Variants in ZFP62 observed in about 807,000 individuals in gnomAD.
ZFP62 encodes the protein zinc finger protein 62 homolog.
A neutral mutation model predicts 56.4 loss-of-function variants in ZFP62; 44 were observed. The observed-to-expected ratio is 0.78, with a 90% CI of 0.61 to 1.00. The LOEUF is 1.00. Ranked by LOEUF, ZFP62 falls within the 50% of genes least tolerant of loss-of-function variation. The pLI is 0.00. For synonymous variants in ZFP62, 421 were observed against 388.9 expected (o/e 1.08, Z -0.97); for missense variants, 1,030 against 1,085.7 (o/e 0.95, Z 0.72).
chr5:180,827,288 G>C, the ZFP62 span, among the ~76,000 whole-genome samples: 22 of 152,206 alleles, frequency 1.4e-4, no homozygotes, highest in Non-Finnish European at 1.5e-4. Flanking sequence ...AAGAAAGAGA[G>C]ATCAGATTGT....
At position 180,850,860 on chromosome 5, in the gene ZFP62, A is replaced by G; in HGVS notation, c.635T>C (p.Leu212Pro). ...AGAATGGGTGCTTTTGTGGTTTATA[A>G]GGCTGGAGTAGGACATGTAGGCTTT... ...CGKAYMSYSS[L>P]INHKSTHSGE... Residue 212 changes from leucine to proline, a missense_variant, in exon 2 of 2, where the codon CTT (leucine) becomes CCT (proline). By Grantham distance (98) the Leu-to-Pro change is moderately conservative (BLOSUM62 -3). Coordinates refer to ENST00000502412, the MANE Select transcript of ZFP62 (RefSeq NM_001172638.2). The G allele has an allele frequency of 6.4e-7, 1 of 1,562,802 alleles. No individual in the cohort carries two copies. Among genetic ancestry groups the G allele is most frequent in the Non-Finnish European group, 8.7e-7 (1 of 1,153,698 alleles).
rs1424335957 is a variant in ZFP62, at chr5:180,851,271, G to A, written c.224C>T (p.Ala75Val). The change falls in exon 2 of 2, where the codon GCC becomes GTC. Residue 75 changes from alanine to valine, a missense_variant. Transcript: ENST00000502412. Reference sequence around the variant, plus strand: ...TGTCTTTATATTTGCTGTACTCTTGGCTTTGCTGATTGCTTCCCTGATGCT... The same window carrying A: ...TGTCTTTATATTTGCTGTACTCTTGACTTTGCTGATTGCTTCCCTGATGCT... ...KSSIREAISK[A>V]KSTANIKTEQ... 6.4e-7 allele frequency: 1 copy of A among 1,551,440 alleles called. No homozygotes were observed. The highest frequency in any genetic ancestry group is 1.4e-5 in the African/African-American group (1 of 72,962).
chr5:180,836,530 C>A, the ZFP62 span, among the ~76,000 whole-genome samples: 1 of 152,208 alleles, frequency 6.6e-6, no homozygotes, highest in Non-Finnish European at 1.5e-5. Flanking sequence ...TCCAGTGTGA[C>A]CTCATCTTAA....
At position 180,848,509 on chromosome 5, in the gene ZFP62, G is replaced by C. The variant is rs1258876722; in HGVS notation, c.*283C>G. 2 of 1,139,264 alleles carry C rather than the reference G, an allele frequency of 1.8e-6. No homozygotes were observed. Among genetic ancestry groups the C allele is most frequent in the Non-Finnish European group, 1.1e-6 (1 of 927,888 alleles). 70.6% of individuals were successfully genotyped at this position (1,139,264 alleles called of 1,614,324 possible). A position where few individuals can be genotyped will look rare whatever the true frequency, so the allele number is the denominator to read the frequency against. On this transcript the variant is annotated 3_prime_UTR_variant, in exon 2 of 2. Coordinates refer to ENST00000502412, the MANE Select transcript of ZFP62 (RefSeq NM_001172638.2). The stretch of plus-strand genomic sequence containing the variant: ...TTTCCTCATCTGTGTTTTATGTCCA[G>C]AAATGTCTACTGATTTTGAAGATTT...
At chr5:180,835,674 T>C in the ZFP62 span, 1 of 152,250 alleles carries the variant, frequency 6.6e-6, no homozygotes, top group African/African-American at 2.4e-5. Context: ...TTACTATTTG[T>C]ACTTGAAGAA....
downstream of ZFP62, among the ~76,000 whole-genome samples, chr5:180,846,780 C>T (rs1353357712): frequency 6.6e-6 from 1 of 152,182 alleles, no homozygotes; most frequent in Non-Finnish European, 1.5e-5. Flanking sequence ...CCAGAATCTA[C>T]TCCTGCTGCC....
chr5:180,827,135 C>A, the ZFP62 span, among the ~76,000 whole-genome samples: 1 of 152,306 alleles, frequency 6.6e-6, no homozygotes. Context: ...ACAAGACAAG[C>A]CTCTGTTTCT....
At chr5:180,832,823 T>G in the ZFP62 span, 1 of 152,258 alleles carries the variant, frequency 6.6e-6, no homozygotes, top group Non-Finnish European at 1.5e-5. Context: ...TCAGAAACTC[T>G]GGGGCCCAGC....
the ZFP62 span, among the ~76,000 whole-genome samples, chr5:180,829,228 G>A: frequency 1.4e-5 from 2 of 142,022 alleles, no homozygotes; most frequent in Non-Finnish European, 1.5e-5. Flanking sequence ...AGAGGCATGT[G>A]ATCTTTGTTC....
intron 1 of ZFP62, among the ~76,000 whole-genome samples, chr5:180,858,500 T>A (rs1774127688): frequency 6.6e-6 from 1 of 151,806 alleles, no homozygotes; most frequent in Non-Finnish European, 1.5e-5. Context: ...CTACTCGACT[T>A]GGGAGGCTGA....
the ZFP62 span, among the ~76,000 whole-genome samples, chr5:180,838,858 G>A: frequency 6.6e-6 from 1 of 152,170 alleles, no homozygotes; most frequent in Non-Finnish European, 1.5e-5. Flanking sequence ...TTTTTGGAGA[G>A]CAATTTTCCA....
chr5:180,850,198 T>C lies in ZFP62; in HGVS notation c.1297A>G (p.Asn433Asp). Residue 433 changes from asparagine to aspartate, a missense_variant, in exon 2 of 2, where the codon AAC becomes GAC. By Grantham distance (23) the Asn-to-Asp change is conservative. Coordinates refer to ENST00000502412, the MANE Select transcript of ZFP62 (RefSeq NM_001172638.2). ...CKECGKSFSYNSLLLQHRTIH... is the reference protein window; with the variant it reads ...CKECGKSFSYDSLLLQHRTIH... The stretch of plus-strand genomic sequence containing the variant: ...GTTCTGTGTTGAAGAAGTAGTGAGT[T>C]ATAACTAAAGGATTTCCCACACTCC... The C allele has an allele frequency of 6.4e-7, 1 of 1,552,190 alleles. No homozygotes were observed. Among genetic ancestry groups the C allele is most frequent in the Non-Finnish European group, 8.7e-7 (1 of 1,147,280 alleles).
At chr5:180,842,042 G>A in the ZFP62 span, among the ~76,000 whole-genome samples, 31 of 152,042 alleles carry the variant, frequency 2.0e-4, no homozygotes, top group Non-Finnish European at 3.2e-4. Flanking sequence ...GTGATACTCC[G>A]TCTCCAGAAA....
the ZFP62 span, among the ~76,000 whole-genome samples, chr5:180,842,604 A>G: frequency 6.6e-6 from 1 of 152,186 alleles, no homozygotes; most frequent in Non-Finnish European, 1.5e-5. Flanking sequence ...CCCACAAAAA[A>G]CCATTTTTAA....
chr5:180,846,227 C>A (rs992210090), downstream of ZFP62, among the ~76,000 whole-genome samples: 1 of 152,084 alleles, frequency 6.6e-6, no homozygotes, highest in South Asian at 2.1e-4. Context: ...CTGGAGCATG[C>A]GAGTAGATGG....
the ZFP62 span, among the ~76,000 whole-genome samples, chr5:180,839,188 A>C: frequency 0.025 from 3,738 of 152,324 alleles, 58 homozygotes; most frequent in African/African-American, 0.039. Context: ...TAAAAACCAA[A>C]AGCGTATGTT....
chr5:180,828,119 G>A, the ZFP62 span, among the ~76,000 whole-genome samples: 217 of 150,952 alleles, frequency 1.4e-3, no homozygotes, highest in Admixed American at 3.7e-3. Context: ...CTGGTTCCCC[G>A]GGCCCCCTTA....
downstream of ZFP62, among the ~76,000 whole-genome samples, chr5:180,846,498 G>A (rs531008609): frequency 2.6e-4 from 40 of 152,320 alleles, no homozygotes; most frequent in African/African-American, 8.9e-4. Flanking sequence ...CGGGGAACGA[G>A]TACTCCATGG....
intron 1 of ZFP62, among the ~76,000 whole-genome samples, chr5:180,855,311 C>G (rs537920280): frequency 4.6e-5 from 7 of 152,290 alleles, no homozygotes; most frequent in African/African-American, 1.7e-4. Flanking sequence ...TTTGTTTCCT[C>G]TTCTACACCT....
Sources: allele counts gnomAD v4.1 joint callset (sites outside exome capture counted in the v4.1 genomes callset), GRCh38; gene constraint gnomAD v4.1.1; transcripts MANE v1.5; gene names NCBI Gene and HGNC (gene_info 2026-07-23, HGNC 2026-07-21).